ATM: variants seen among roughly 807,000 people sequenced by gnomAD.
ATM encodes the protein serine-protein kinase ATM.
ATM carries 308 observed loss-of-function variants against 387.0 expected under a neutral mutation model. The ratio of observed to expected loss-of-function variants is 0.80; its 90% CI spans 0.73 to 0.87. The LOEUF (loss-of-function observed/expected upper bound fraction) is 0.87. Ranked by LOEUF, ATM falls within the 40% of genes least tolerant of loss-of-function variation. The probability of loss-of-function intolerance (pLI) is 0.00; values close to 1 mark genes in which losing one functional copy is unlikely to be tolerated. For missense variants in ATM, 3,312 were observed against 3,560.9 expected (o/e 0.93, Z 1.78); for synonymous variants, 1,156 against 1,187.3 (o/e 0.97, Z 0.54).
chr11:108,355,216 A>G (rs1047267664), intron 61 of ATM: 1 of 291,200 alleles, frequency 3.4e-6, no homozygotes, highest in Non-Finnish European at 6.6e-6. Context: ...AGAAATTTAT[A>G]TCTCCTTTTT....
chr11:108,246,931 A>G (rs1347425426), intron 7 of ATM, 33 bp from the exon 8 acceptor site: 1 of 1,549,858 alleles, frequency 6.5e-7, no homozygotes, highest in Non-Finnish European at 8.9e-7. Context: ...GAGTACATAC[A>G]TAAAAATTAC....
intron 56 of ATM, among the ~76,000 whole-genome samples, chr11:108,340,921 G>GT (rs2136867273): frequency 6.6e-6 from 1 of 152,104 alleles, no homozygotes; most frequent in South Asian, 2.1e-4. Context: ...ATTTTTTATT[G>GT]TATTGTTTTT....
rs1189695629 is a variant in ATM, at chr11:108,307,884, TTTTG to T, written c.5675-7_5675-4del. 1.9e-6 allele frequency: 3 copies of T among 1,602,366 alleles called. No homozygotes were observed. The highest frequency in any genetic ancestry group is 2.6e-6 in the Non-Finnish European group (3 of 1,169,830). The stretch of plus-strand genomic sequence containing the variant: ...AATGCCTGGGACTGAGGGGAGATAT[TTTTG>T]TTTGTCAGAGTCAGAGCACTTTTTC... On this transcript the variant is annotated splice_polypyrimidine_tract_variant and intron_variant, in intron 37 of 62. Coordinates refer to ENST00000675843, the MANE Select transcript of ATM (RefSeq NM_000051.4).
rs1294159555 is a variant in ATM, at chr11:108,244,836, T to C, written c.711T>C (p.Thr237=). The C allele has an allele frequency of 6.2e-7, 1 of 1,613,934 alleles. No individual in the cohort carries two copies. Among genetic ancestry groups the C allele is most frequent in the East Asian group, 2.2e-5 (1 of 44,828 alleles). ...TAAATCATATCTTAGCAGCTCTTAC[T>C]ATCTTCCTCAAGACTTTGGCTGTCA... The part of the protein sequence containing the change: ...SGLNHILAAL[T]IFLKTLAVNF... The change falls in exon 7 of 63, where the codon ACT becomes ACC. Residue 237 remains threonine, a synonymous_variant. Transcript: ENST00000675843.
At chr11:108,316,452 T>A (rs1364036467) in intron 42 of ATM, among the ~76,000 whole-genome samples, 1 of 152,052 alleles carries the variant, frequency 6.6e-6, no homozygotes, top group African/African-American at 2.4e-5. Flanking sequence ...ACATGGAAAA[T>A]CTTATGTAAA....
At chr11:108,284,532 A>G in intron 26 of ATM, 59 bp downstream of exon 26, 2 of 1,593,732 alleles carry the variant, frequency 1.3e-6, no homozygotes, top group Non-Finnish European at 1.7e-6. Context: ...TATAACCTTT[A>G]AGTTTTAAGG....
rs1555075846 is a variant in ATM, at chr11:108,257,623, C to G, written c.2376+17C>G. 1 of 1,611,530 alleles carries G rather than the reference C, an allele frequency of 6.2e-7. No homozygotes were observed. Among genetic ancestry groups the G allele is most frequent in the African/African-American group, 1.3e-5 (1 of 74,852 alleles). On this transcript the variant is annotated intron_variant, in intron 15 of 62. Transcript: ENST00000675843. ...TGTACCAAGGTAAGATTTTCTTCTT[C>G]TTGTTTTGTTTTTTGAGATAGGATC... is the stretch of plus-strand genomic sequence containing the variant.
intron 61 of ATM, among the ~76,000 whole-genome samples, chr11:108,357,765 A>G (rs568208512): frequency 6.6e-6 from 1 of 152,306 alleles, no homozygotes; most frequent in East Asian, 1.9e-4. Context: ...TAACAAACAG[A>G]AAGGATATCC....
chr11:108,308,417 A>T (rs1591735473), intron 38 of ATM: 2 of 218,246 alleles, frequency 9.2e-6, no homozygotes, highest in East Asian at 1.3e-4. Context: ...TACTGTGTGC[A>T]GTGGTCTCAA....
At chr11:108,240,526 A>G in intron 5 of ATM, among the ~76,000 whole-genome samples, 1 of 152,216 alleles carries the variant, frequency 6.6e-6, no homozygotes, top group East Asian at 1.9e-4. Context: ...CACCTAAGCT[A>G]TATGGTATTA....
intron 36 of ATM, among the ~76,000 whole-genome samples, chr11:108,303,447 A>G (rs2083528004): frequency 6.6e-6 from 1 of 152,134 alleles, no homozygotes; most frequent in Non-Finnish European, 1.5e-5. Flanking sequence ...TATCTCAACG[A>G]AGAGTAAAGG....
At position 108,365,809 on chromosome 11, in the gene ATM, CGAGACCAGCCTGGCCAA is replaced by C. The variant is rs751145106; in HGVS notation, c.*318_*334del. The C allele has an allele frequency of 2.9e-4, 107 of 374,052 alleles. No homozygotes were observed. The highest frequency in any genetic ancestry group is 4.1e-4 in the South Asian group (15 of 36,784). The allele number at this position is 374,052 out of a possible 1,614,324, so 23.2% of individuals were successfully genotyped here. A position where few individuals can be genotyped will look rare whatever the true frequency, so the allele number is the denominator to read the frequency against. On this transcript the variant is annotated 3_prime_UTR_variant, in exon 63 of 63. Transcript: ENST00000675843. ...TGAGCGGATCACAAGGTCAGGAGTT[CGAGACCAGCCTGGCCAA>C]GAGACCAGCCTGGCCAGTATGGTGA...
intron 4 of ATM, 39 bp from the exon 5 acceptor site, chr11:108,235,631 C>A (rs758090824): frequency 1.3e-6 from 2 of 1,535,734 alleles, no homozygotes; most frequent in Admixed American, 1.7e-5. Context: ...TATTTTTGTT[C>A]AAATTTATGT....
chr11:108,290,900 T>C (rs1024900748), intron 29 of ATM, among the ~76,000 whole-genome samples: 1 of 151,848 alleles, frequency 6.6e-6, no homozygotes, highest in African/African-American at 2.4e-5. Flanking sequence ...TTAATACTAA[T>C]ATTCTAGCTA....
At chr11:108,286,747 G>T (rs2082514953) in intron 26 of ATM, among the ~76,000 whole-genome samples, 1 of 152,096 alleles carries the variant, frequency 6.6e-6, no homozygotes, top group Non-Finnish European at 1.5e-5. Flanking sequence ...CCTGCCTCCA[G>T]ACCTTATTGC....
Position 108,328,945 on chromosome 11 carries a change from T to G in ATM, c.7090-76T>G, listed in dbSNP as rs1184595694. On this transcript the variant is annotated intron_variant, in intron 48 of 62. Coordinates refer to ENST00000675843, the MANE Select transcript of ATM (RefSeq NM_000051.4). ...GTATATAAGTTAAATTTTAGTGTAT[T>G]ACCTTAATTTGAGTGATTCTTTAGA... The G allele has an allele frequency of 2.1e-6, 3 of 1,411,450 alleles. No individual in the cohort carries two copies. In the African/African-American group the frequency reaches 4.3e-5, roughly 20 times the overall value. The allele number at this position is 1,411,450 out of a possible 1,614,324, so 87.4% of individuals were successfully genotyped here. A position where few individuals can be genotyped will look rare whatever the true frequency, so the allele number is the denominator to read the frequency against.
intron 6 of ATM, among the ~76,000 whole-genome samples, chr11:108,244,319 A>AG (rs777450692): frequency 2.0e-5 from 3 of 152,200 alleles, no homozygotes; most frequent in Non-Finnish European, 4.4e-5. Context: ...GAAGTTTTCA[A>AG]GGGGGAGATG....
intron 5 of ATM, among the ~76,000 whole-genome samples, chr11:108,240,184 G>T (rs1372936240): frequency 1.3e-5 from 2 of 152,262 alleles, no homozygotes; most frequent in East Asian, 1.9e-4. Context: ...CATTTTTAAA[G>T]ATCTTTTTCT....
In ATM at chr11:108,293,462, C is replaced by T. The variant is rs769562370; in HGVS notation, c.4761C>T (p.Pro1587=). The T allele has an allele frequency of 1.9e-6, 3 of 1,611,394 alleles. No homozygotes were observed. The highest frequency in any genetic ancestry group is 2.5e-6 in the Non-Finnish European group (3 of 1,178,246). ...AAAAAATCAAATACAGTAGAGGACC[C>T]TTTTCACTCTTGGAGGTAATAAAAA... The part of the protein sequence containing the change: ...TQQKIKYSRG[P]FSLLEEINHF... The change falls in exon 31 of 63, where the codon CCC becomes CCT. Residue 1587 remains proline (P), a synonymous_variant. Coordinates refer to ENST00000675843, the MANE Select transcript of ATM (RefSeq NM_000051.4).
Sources: allele counts gnomAD v4.1 joint callset (sites outside exome capture counted in the v4.1 genomes callset), GRCh38; gene constraint gnomAD v4.1.1; transcripts MANE v1.5; gene names NCBI Gene and HGNC (gene_info 2026-07-23, HGNC 2026-07-21).